Variants in BCL2 observed in about 807,000 individuals in gnomAD.
BCL2 encodes apoptosis regulator Bcl-2.
BCL2 carries 1 observed loss-of-function variant against 14.2 expected under a neutral mutation model. That is an observed-to-expected ratio of 0.07 (90% CI 0.02 to 0.33). BCL2 has a LOEUF of 0.33. Among genes scored for constraint, BCL2 ranks in the 10% least tolerant of loss-of-function variants. The probability of loss-of-function intolerance (pLI) is 0.99; values close to 1 mark genes in which losing one functional copy is unlikely to be tolerated. For synonymous variants in BCL2, 151 were observed against 137.2 expected (o/e 1.10, Z -0.70); for missense variants, 247 against 305.9 (o/e 0.81, Z 1.44).
chr18:63,318,734 A>G lies in BCL2; in HGVS notation c.-68T>C. The stretch of plus-strand genomic sequence containing the variant: ...CCCCAGCTCCCACCCCACGGCCCCC[A>G]GAGAAAGAAGAGGAGTTATAATCCA... On this transcript the variant is annotated 5_prime_UTR_variant, in exon 2 of 3. Transcript: ENST00000333681. This position sits in a 1 kb window ranked among gnomAD's most constrained non-coding sequence, Gnocchi z 7.4. The G allele has an allele frequency of 1.9e-6, 3 of 1,601,494 alleles. No individual in the cohort carries two copies. The South Asian group carries it at 3.3e-5, about 18-fold the overall frequency.
intron 2 of BCL2, among the ~76,000 whole-genome samples, chr18:63,234,546 C>T (rs191451325): frequency 6.6e-6 from 1 of 152,276 alleles, no homozygotes; most frequent in East Asian, 1.9e-4. Context: ...CAGTCTGGGA[C>T]CTGAGGAACA....
rs985399687 is a variant in BCL2, at chr18:63,302,978, A to G, written c.585+15104T>C. 9.4e-5 allele frequency: 62 copies of G among 658,284 alleles called. 1 individual carries two copies. The highest frequency in any genetic ancestry group is 2.1e-5 in the Non-Finnish European group (11 of 532,040). 40.8% of individuals were successfully genotyped at this position (658,284 alleles called of 1,614,324 possible). A position where few individuals can be genotyped will look rare whatever the true frequency, so the allele number is the denominator to read the frequency against. The stretch of plus-strand genomic sequence containing the variant: ...GAAGGTGGGTTTGTTTTTAAGTAGA[A>G]TAAAATGTACAGCTGAATATAAAAA... On this transcript the variant is annotated intron_variant, in intron 2 of 2. Coordinates refer to ENST00000333681, the MANE Select transcript of BCL2 (RefSeq NM_000633.3).
chr18:63,298,694 G>A (rs1912868752), intron 2 of BCL2, among the ~76,000 whole-genome samples: 1 of 152,180 alleles, frequency 6.6e-6, no homozygotes, highest in Non-Finnish European at 1.5e-5. Flanking sequence ...CTATTCCCCA[G>A]AGAAATTCCA....
At chr18:63,224,094 G>C (rs1910480621) in intron 2 of BCL2, among the ~76,000 whole-genome samples, 1 of 151,984 alleles carries the variant, frequency 6.6e-6, no homozygotes, top group South Asian at 2.1e-4. Flanking sequence ...AACTTAAGAC[G>C]GTAACAGAAA....
chr18:63,248,146 C>T (rs527236964), intron 2 of BCL2, among the ~76,000 whole-genome samples: 24 of 152,254 alleles, frequency 1.6e-4, no homozygotes, highest in African/African-American at 4.3e-4. Flanking sequence ...GTCAGAGAAA[C>T]GCTACTCACA....
intron 2 of BCL2, among the ~76,000 whole-genome samples, chr18:63,256,596 T>C (rs557725402): frequency 6.6e-6 from 1 of 152,314 alleles, no homozygotes; most frequent in African/African-American, 2.4e-5. Flanking sequence ...GATCTGTATG[T>C]ATCTACTTAA....
intron 2 of BCL2, among the ~76,000 whole-genome samples, chr18:63,144,224 G>A (rs910331109): frequency 2.0e-5 from 3 of 152,004 alleles, no homozygotes; most frequent in Admixed American, 1.3e-4. Context: ...TATCTGAATC[G>A]AGCAATCCAA....
chr18:63,263,759 A>C (rs1210436933), intron 2 of BCL2, among the ~76,000 whole-genome samples: 1 of 152,142 alleles, frequency 6.6e-6, no homozygotes, highest in Non-Finnish European at 1.5e-5. Context: ...ATCAATGTCA[A>C]GTTACTCCTC....
chr18:63,215,935 T>TGAGA (rs1200386042), intron 2 of BCL2, among the ~76,000 whole-genome samples: 1 of 152,034 alleles, frequency 6.6e-6, no homozygotes, highest in Admixed American at 6.6e-5. Flanking sequence ...AAAAATTCAT[T>TGAGA]GAGAGAGAAA....
intron 2 of BCL2, chr18:63,314,119 C>T (rs1239108724): frequency 6.6e-6 from 1 of 152,194 alleles, no homozygotes; most frequent in East Asian, 1.9e-4. Context: ...TTCTCTACTA[C>T]ATAAATTATT....
chr18:63,170,647 CCTT>C (rs1915201068), intron 2 of BCL2, among the ~76,000 whole-genome samples: 1 of 152,188 alleles, frequency 6.6e-6, no homozygotes, highest in African/African-American at 2.4e-5. Context: ...ATTTCATTAT[CCTT>C]CTGCAAATTT....
chr18:63,237,791 T>C (rs1910881984), intron 2 of BCL2, among the ~76,000 whole-genome samples: 1 of 152,224 alleles, frequency 6.6e-6, no homozygotes, highest in Admixed American at 6.5e-5. Context: ...ACACCAAATC[T>C]GGATGGAAAC....
chr18:63,258,100 A>T (rs975133742), intron 2 of BCL2, among the ~76,000 whole-genome samples: 1 of 152,192 alleles, frequency 6.6e-6, no homozygotes, highest in Non-Finnish European at 1.5e-5. Context: ...ATGCCATGTG[A>T]GGAGGGACAC....
intron 2 of BCL2, among the ~76,000 whole-genome samples, chr18:63,183,668 G>GAAGGAGTTCAGAAGA (rs1325049905): frequency 1.3e-5 from 2 of 152,216 alleles, no homozygotes; most frequent in Non-Finnish European, 2.9e-5. Flanking sequence ...TCCATGTGTG[G>GAAGGAGTTCAGAAGA]AAGGAGTTCA....
In BCL2 at chr18:63,319,205, T is replaced by C. The variant is rs530542966; in HGVS notation, c.-318A>G. ...TTTTTAAGTACAGCATGATCCTCTG[T>C]CAAGTTTCCTTTTTGTAAAACCAAA... On this transcript the variant is annotated 5_prime_UTR_variant, in exon 1 of 3. It removes the in-frame stop codon of an upstream open reading frame in the 5' UTR. Coordinates refer to ENST00000333681, the MANE Select transcript of BCL2 (RefSeq NM_000633.3). 51 of 381,136 alleles carry C rather than the reference T, an allele frequency of 1.3e-4. No homozygotes were observed. Among genetic ancestry groups the C allele is most frequent in the Admixed American group, 8.4e-4 (15 of 17,920 alleles). 23.6% of individuals were successfully genotyped at this position (381,136 alleles called of 1,614,324 possible). A position where few individuals can be genotyped will look rare whatever the true frequency, so the allele number is the denominator to read the frequency against.
chr18:63,153,174 G>A (rs559160922), intron 2 of BCL2, among the ~76,000 whole-genome samples: 13 of 152,190 alleles, frequency 8.5e-5, no homozygotes, highest in African/African-American at 3.1e-4. Flanking sequence ...TTCTCCTCTC[G>A]TTCTCTGCAA....
At chr18:63,202,748 C>T (rs564065114) in intron 2 of BCL2, among the ~76,000 whole-genome samples, 4 of 152,326 alleles carry the variant, frequency 2.6e-5, no homozygotes, top group Non-Finnish European at 5.9e-5. Flanking sequence ...GGGATCAGTA[C>T]CATATGCACA....
intron 2 of BCL2, among the ~76,000 whole-genome samples, chr18:63,248,988 C>T (rs550203606): frequency 1.3e-5 from 2 of 152,244 alleles, no homozygotes; most frequent in Admixed American, 6.5e-5. Context: ...ATTCTGATTC[C>T]ATGAAGAAAT....
At chr18:63,291,485 T>A (rs1205523232) in intron 2 of BCL2, among the ~76,000 whole-genome samples, 1 of 152,230 alleles carries the variant, frequency 6.6e-6, no homozygotes, top group Non-Finnish European at 1.5e-5. Flanking sequence ...GGTCATCATT[T>A]GCACTAGAAA....
Sources: allele counts gnomAD v4.1 joint callset (sites outside exome capture counted in the v4.1 genomes callset), GRCh38; gene constraint gnomAD v4.1.1; non-coding constraint Gnocchi (gnomAD v3.1); transcripts MANE v1.5; gene names NCBI Gene and HGNC (gene_info 2026-07-23, HGNC 2026-07-21).